RPS6KC1: variants seen among roughly 807,000 people sequenced by gnomAD.
RPS6KC1 encodes inactive ribosomal protein S6 kinase delta-1.
RPS6KC1 carries 54 observed loss-of-function variants against 103.8 expected under a neutral mutation model. That is an observed-to-expected ratio of 0.52 (90% CI 0.42 to 0.65). RPS6KC1 has a LOEUF of 0.65. RPS6KC1 is among the 30% of genes least tolerant of loss of function. The pLI is 0.00. For missense variants in RPS6KC1, 1,151 were observed against 1,253.8 expected, an observed-to-expected ratio of 0.92 and a Z score of 1.24; for synonymous variants, 439 against 438.7, an observed-to-expected ratio of 1.00 and a Z score of -0.01.
chr1:213,463,154 A>C, the RPS6KC1 span, among the ~76,000 whole-genome samples: 9 of 152,358 alleles, frequency 5.9e-5, no homozygotes, highest in African/African-American at 2.2e-4. Flanking sequence ...ACAAAGCTGA[A>C]ACTCCATCAT....
chr1:213,459,793 G>T, the RPS6KC1 span, among the ~76,000 whole-genome samples: 2 of 152,182 alleles, frequency 1.3e-5, no homozygotes, highest in East Asian at 3.9e-4. Context: ...TTGGGTCTTT[G>T]TTCTTATTGG....
chr1:213,588,343 G>A, the RPS6KC1 span, among the ~76,000 whole-genome samples: 2 of 150,486 alleles, frequency 1.3e-5, no homozygotes, highest in African/African-American at 4.9e-5. Flanking sequence ...GCCCAGGCTG[G>A]AGTGCAGTGG....
At chr1:213,583,339 C>G in the RPS6KC1 span, among the ~76,000 whole-genome samples, 9 of 152,180 alleles carry the variant, frequency 5.9e-5, no homozygotes, top group Non-Finnish European at 5.9e-5. Flanking sequence ...TGTCAAACTA[C>G]TTCTCAAAGT....
the RPS6KC1 span, among the ~76,000 whole-genome samples, chr1:213,492,733 C>T: frequency 2.0e-5 from 3 of 152,192 alleles, no homozygotes; most frequent in South Asian, 2.1e-4. Context: ...TGTGAGCTCT[C>T]GCTCCTTCTT....
At chr1:213,603,942 C>T in the RPS6KC1 span, among the ~76,000 whole-genome samples, 2 of 152,002 alleles carry the variant, frequency 1.3e-5, no homozygotes, top group Non-Finnish European at 2.9e-5. Context: ...GTTGACTTTC[C>T]ATGTTTGTAG....
At chr1:213,610,328 G>T in the RPS6KC1 span, among the ~76,000 whole-genome samples, 1 of 152,196 alleles carries the variant, frequency 6.6e-6, no homozygotes, top group African/African-American at 2.4e-5. Context: ...GGTGGAAACT[G>T]ATAAACGACA....
the RPS6KC1 span, among the ~76,000 whole-genome samples, chr1:213,739,205 A>G: frequency 4.6e-5 from 7 of 152,186 alleles, no homozygotes; most frequent in Non-Finnish European, 8.8e-5. Context: ...ATCCATTTTC[A>G]CTTAATGAAT....
chr1:213,645,209 TG>T, the RPS6KC1 span, among the ~76,000 whole-genome samples: 1 of 151,724 alleles, frequency 6.6e-6, no homozygotes, highest in Non-Finnish European at 1.5e-5. Context: ...CAGAAAGAGG[TG>T]GGTTGCTGAG....
the RPS6KC1 span, among the ~76,000 whole-genome samples, chr1:213,800,397 GAA>G: frequency 6.6e-6 from 1 of 152,278 alleles, no homozygotes; most frequent in South Asian, 2.1e-4. Flanking sequence ...ATTTAATGTG[GAA>G]GTGGGAAAGA....
At chr1:213,409,696 T>C in the RPS6KC1 span, among the ~76,000 whole-genome samples, 5 of 152,246 alleles carry the variant, frequency 3.3e-5, no homozygotes, top group Admixed American at 3.3e-4. Flanking sequence ...CTGTTCGGTC[T>C]GCTCAATGGC....
At chr1:213,530,783 C>T in the RPS6KC1 span, among the ~76,000 whole-genome samples, 1 of 152,294 alleles carries the variant, frequency 6.6e-6, no homozygotes, top group African/African-American at 2.4e-5. Context: ...TCTGGCCTGG[C>T]CTGTTTAATT....
chr1:213,625,016 T>A, the RPS6KC1 span, among the ~76,000 whole-genome samples: 1 of 152,130 alleles, frequency 6.6e-6, no homozygotes, highest in African/African-American at 2.4e-5. Context: ...AGAGCCTCAC[T>A]CTGTCGCCCA....
At chr1:213,122,251 C>A (rs1479588995) in intron 5 of RPS6KC1, among the ~76,000 whole-genome samples, 1 of 151,940 alleles carries the variant, frequency 6.6e-6, no homozygotes, top group Non-Finnish European at 1.5e-5. Flanking sequence ...CCTAATAATT[C>A]TTTACGGTGT....
chr1:213,716,557 G>A, the RPS6KC1 span, among the ~76,000 whole-genome samples: 1 of 152,026 alleles, frequency 6.6e-6, no homozygotes, highest in African/African-American at 2.4e-5. Flanking sequence ...TTAGTTTCAG[G>A]GGGAAAAAAT....
the RPS6KC1 span, among the ~76,000 whole-genome samples, chr1:213,410,782 A>G: frequency 6.6e-6 from 1 of 152,042 alleles, no homozygotes; most frequent in East Asian, 1.9e-4. Flanking sequence ...GAGCTGATCA[A>G]TGGAGAGAAG....
chr1:213,276,887 C>A (rs1192791201), downstream of RPS6KC1, among the ~76,000 whole-genome samples: 2 of 152,170 alleles, frequency 1.3e-5, no homozygotes, highest in Non-Finnish European at 2.9e-5. Context: ...GTTTCCTAGA[C>A]CTTTCTCAGT....
chr1:213,223,731 TG>T (rs1263374241), intron 8 of RPS6KC1, among the ~76,000 whole-genome samples: 1 of 152,196 alleles, frequency 6.6e-6, no homozygotes, highest in Non-Finnish European at 1.5e-5. Flanking sequence ...TACCCAGTAG[TG>T]GGATTGTTGG....
the RPS6KC1 span, among the ~76,000 whole-genome samples, chr1:213,302,764 G>A: frequency 6.6e-6 from 1 of 152,202 alleles, no homozygotes; most frequent in East Asian, 1.9e-4. Flanking sequence ...ATCAAGGCTG[G>A]GAGAAACTCA....
At chr1:213,284,270 A>G in the RPS6KC1 span, among the ~76,000 whole-genome samples, 1 of 152,202 alleles carries the variant, frequency 6.6e-6, no homozygotes, top group African/African-American at 2.4e-5. Context: ...TAATACCAAC[A>G]CTTTGGGAGC....
Sources: gnomAD v4.1 joint callset for allele counts (sites outside exome capture counted in the v4.1 genomes callset) on GRCh38, gnomAD v4.1.1 for gene constraint, MANE v1.5 for transcripts, NCBI Gene and HGNC (gene_info 2026-07-23, HGNC 2026-07-21) for gene names.